Variants in ATP2B2 observed in about 807,000 individuals in gnomAD.
ATP2B2 encodes the protein ATPase plasma membrane Ca2+ transporting 2.
In ATP2B2, 15 loss-of-function variants were observed where a neutral mutation model predicts 120.0. The ratio of observed to expected loss-of-function variants is 0.12; its 90% CI spans 0.08 to 0.19. ATP2B2 has a LOEUF of 0.19. Ranked by LOEUF, ATP2B2 falls within the 10% of genes least tolerant of loss-of-function variation. The pLI is 1.00. For synonymous variants in ATP2B2, 694 were observed against 700.3 expected, an observed-to-expected ratio of 0.99 and a Z score of 0.14; for missense variants, 1,045 against 1,719.8, an observed-to-expected ratio of 0.61 and a Z score of 6.94.
At chr3:10,417,137 C>A (rs1158070296) in intron 2 of ATP2B2, among the ~76,000 whole-genome samples, 1 of 150,954 alleles carries the variant, frequency 6.6e-6, no homozygotes, top group East Asian at 1.9e-4. Flanking sequence ...GGACCCCTCA[C>A]TTCCCAGATG....
chr3:10,588,921 G>A (rs1315646992), intron 2 of ATP2B2, among the ~76,000 whole-genome samples: 2 of 152,202 alleles, frequency 1.3e-5, no homozygotes, highest in Non-Finnish European at 2.9e-5. Flanking sequence ...TCTGCGGCTG[G>A]CAGTGCTGCG....
rs571578462 is a variant in ATP2B2 at position 10,662,975 on chromosome 3, A to G, written c.-459-43014T>C. Among the ~76,000 whole-genome samples the G allele has an allele frequency of 2.0e-5, 3 of 151,964 alleles. No individual in the cohort carries two copies. The South Asian group carries it at 6.2e-4, about 32-fold the overall frequency. On this transcript the variant is annotated intron_variant, in intron 1 of 21. Coordinates refer to the ATP2B2 transcript ENST00000646379. Reference sequence around the variant, plus strand: ...GATGAAGCTGGAAACCATCATTCTCAGCAAAGTATCACAAGGACGAAAAAC... The same window carrying G: ...GATGAAGCTGGAAACCATCATTCTCGGCAAAGTATCACAAGGACGAAAAAC...
intron 3 of ATP2B2, among the ~76,000 whole-genome samples, chr3:10,524,549 T>C (rs2067051419): frequency 6.6e-6 from 1 of 152,178 alleles, no homozygotes; most frequent in Non-Finnish European, 1.5e-5. Context: ...CTCTTCCTCT[T>C]TTCTGGGAGA....
chr3:10,504,048 T>C (rs2066502134), intron 1 of ATP2B2, among the ~76,000 whole-genome samples: 1 of 152,184 alleles, frequency 6.6e-6, no homozygotes. Flanking sequence ...TACTTATGGG[T>C]ACTATATTTG....
In ATP2B2 at chr3:10,342,729, G is replaced by C. The variant is rs2060314968; in HGVS notation, c.2917+23C>G. 2 of 1,612,990 alleles carry C rather than the reference G, an allele frequency of 1.2e-6. No homozygotes were observed. The highest frequency in any genetic ancestry group is 1.7e-6 in the Non-Finnish European group (2 of 1,179,322). ...AAGGTGATGACCCCGCCTGGGAGAG[G>C]CGTGGGTGGGCGAGGCGCTCACCAA... is the stretch of plus-strand genomic sequence containing the variant. On this transcript the variant is annotated intron_variant, in intron 19 of 22. Transcript: ENST00000360273. This position sits in a 1 kb window ranked among gnomAD's most constrained non-coding sequence, Gnocchi z 4.4.
chr3:10,373,885 A>T (rs1358027313), intron 11 of ATP2B2, among the ~76,000 whole-genome samples: 15 of 152,056 alleles, frequency 9.9e-5, no homozygotes. Context: ...GCTACTAGGA[A>T]ACTTAAAATT....
chr3:10,545,821 A>T (rs1305185213), intron 2 of ATP2B2, among the ~76,000 whole-genome samples: 2 of 152,286 alleles, frequency 1.3e-5, no homozygotes, highest in South Asian at 2.1e-4. Context: ...GTCATAGGAT[A>T]GAATATTAGG....
chr3:10,683,332 T>C (rs12491191), intron 1 of ATP2B2, among the ~76,000 whole-genome samples: 113,613 of 151,484 alleles, frequency 0.75, 42,595 homozygotes, highest in Non-Finnish European at 0.76. Flanking sequence ...GGGAGGAATG[T>C]GAGGGAAGAT....
Position 10,328,838 on chromosome 3 carries a change from G to A in ATP2B2, c.3708C>T (p.Ile1236=), listed in dbSNP as rs547883677. The part of the protein sequence containing the change: ...SATSSSPGSP[I]HSLETSL ...GCTAAAGCGACGTCTCCAGGCTGTGGATGGGGCTCCCTGGACTTGAAGAGG... is the reference window on the plus strand; with the variant it reads ...GCTAAAGCGACGTCTCCAGGCTGTGAATGGGGCTCCCTGGACTTGAAGAGG... Residue 1236 remains isoleucine, a synonymous_variant, in exon 23 of 23, where the codon ATC becomes ATT. Coordinates refer to ENST00000360273, the MANE Select transcript of ATP2B2 (RefSeq NM_001001331.4). The A allele has an allele frequency of 6.2e-7, 1 of 1,612,102 alleles. No individual in the cohort carries two copies. Among genetic ancestry groups the A allele is most frequent in the East Asian group, 2.2e-5 (1 of 44,828 alleles).
intron 2 of ATP2B2, among the ~76,000 whole-genome samples, chr3:10,418,671 C>A (rs2062870565): frequency 6.6e-6 from 1 of 152,236 alleles, no homozygotes; most frequent in Non-Finnish European, 1.5e-5. Flanking sequence ...CAGGAATACA[C>A]TAACTGCCCT....
intron 12 of ATP2B2, among the ~76,000 whole-genome samples, chr3:10,368,938 G>A (rs1296219491): frequency 6.6e-6 from 1 of 152,154 alleles, no homozygotes; most frequent in African/African-American, 2.4e-5. Flanking sequence ...CTTCCCAAAA[G>A]TCTATCCAAG....
chr3:10,565,344 G>A (rs940737098), intron 2 of ATP2B2, among the ~76,000 whole-genome samples: 2 of 152,120 alleles, frequency 1.3e-5, no homozygotes, highest in Non-Finnish European at 2.9e-5. Context: ...GACTGTGTCC[G>A]GGTTTCCCTA....
At chr3:10,420,671 G>T (rs1224555310) in intron 2 of ATP2B2, among the ~76,000 whole-genome samples, 2 of 152,212 alleles carry the variant, frequency 1.3e-5, no homozygotes, top group Non-Finnish European at 2.9e-5. Flanking sequence ...CTGGGCCTTG[G>T]TTTTTTCACG....
chr3:10,474,072 G>A (rs2065115019), intron 1 of ATP2B2, among the ~76,000 whole-genome samples: 1 of 152,200 alleles, frequency 6.6e-6, no homozygotes, highest in Non-Finnish European at 1.5e-5. Context: ...AGGTGGGTAG[G>A]GACAGGTCTT....
At chr3:10,463,228 C>T (rs1323823745) in intron 1 of ATP2B2, among the ~76,000 whole-genome samples, 1 of 152,200 alleles carries the variant, frequency 6.6e-6, no homozygotes, top group South Asian at 2.1e-4. Flanking sequence ...GTTTTGCCAG[C>T]TTGCCTCCCC....
chr3:10,679,718 T>C (rs1037667178), intron 1 of ATP2B2, among the ~76,000 whole-genome samples: 3 of 152,210 alleles, frequency 2.0e-5, no homozygotes, highest in Non-Finnish European at 2.9e-5. Context: ...CAGCACAAGA[T>C]GAAGCAGATT....
intron 1 of ATP2B2, among the ~76,000 whole-genome samples, chr3:10,505,137 A>C (rs2066568312): frequency 6.6e-6 from 1 of 152,108 alleles, no homozygotes; most frequent in Admixed American, 6.5e-5. Flanking sequence ...TTTGCAGTCC[A>C]GAGGCTGCCG....
At chr3:10,507,434 C>A (rs1392914643), upstream of ATP2B2, among the ~76,000 whole-genome samples, 1 of 152,166 alleles carries the variant, frequency 6.6e-6, no homozygotes, top group Non-Finnish European at 1.5e-5. Flanking sequence ...GGCCAAGCAT[C>A]TGCCCTTCCC....
At position 10,328,894 on chromosome 3, in the gene ATP2B2, T is replaced by G; in HGVS notation, c.3652A>C (p.Asn1218His). 1.2e-6 allele frequency: 2 copies of G among 1,613,974 alleles called. No homozygotes were observed. The highest frequency in any genetic ancestry group is 1.7e-6 in the Non-Finnish European group (2 of 1,180,000). Reference sequence around the variant, plus strand: ...GATTTGCTTGTGTCGGTCGTCAGGTTGATCCCACTGTCGATGGCGCTGTTG... The same window carrying G: ...GATTTGCTTGTGTCGGTCGTCAGGTGGATCCCACTGTCGATGGCGCTGTTG... ...KNNSAIDSGI[N>H]LTTDTSKSAT... The change falls in exon 23 of 23, where the codon AAC becomes CAC. Residue 1218 changes from asparagine to histidine, a missense_variant. By Grantham distance (68) the Asn-to-His change is moderately conservative (BLOSUM62 1). Around this residue, in one of 11 missense-constraint regions of ATP2B2, gnomAD observed 211 missense variants for 385.1 expected, o/e 0.55. Coordinates refer to ENST00000360273, the MANE Select transcript of ATP2B2 (RefSeq NM_001001331.4).
Sources: allele counts gnomAD v4.1 joint callset (sites outside exome capture counted in the v4.1 genomes callset), GRCh38; gene constraint gnomAD v4.1.1; regional missense constraint gnomAD v4.1.1; non-coding constraint Gnocchi (gnomAD v3.1); transcripts MANE v1.5; gene names NCBI Gene and HGNC (gene_info 2026-07-23, HGNC 2026-07-21).